FRMD4B: variants seen among roughly 807,000 people sequenced by gnomAD.
FRMD4B encodes FERM domain containing 4B, also known as FERM domain-containing protein 4B.
FRMD4B carries 74 observed loss-of-function variants against 141.5 expected under a neutral mutation model. That is an observed-to-expected ratio of 0.52 (90% CI 0.43 to 0.63). FRMD4B has a LOEUF of 0.63. FRMD4B is among the 30% of genes least tolerant of loss of function. FRMD4B has a pLI of 0.00. For synonymous variants in FRMD4B, 506 were observed against 467.9 expected, an observed-to-expected ratio of 1.08 and a Z score of -1.05; for missense variants, 1,366 against 1,253.4, an observed-to-expected ratio of 1.09 and a Z score of -1.36.
chr3:69,202,741 C>T (rs750742929), intron 11 of FRMD4B, among the ~76,000 whole-genome samples: 2 of 152,100 alleles, frequency 1.3e-5, no homozygotes, highest in Non-Finnish European at 2.9e-5. Flanking sequence ...AGATTTCTTT[C>T]TGCTCTACAC....
intron 1 of FRMD4B, among the ~76,000 whole-genome samples, chr3:69,379,643 T>C (rs1704064502): frequency 6.6e-6 from 1 of 151,646 alleles, no homozygotes; most frequent in Admixed American, 6.6e-5. Context: ...TGTGATAGAA[T>C]TATGGACTTT....
chr3:69,241,115 T>C (rs945745860), intron 7 of FRMD4B, among the ~76,000 whole-genome samples: 4 of 152,220 alleles, frequency 2.6e-5, no homozygotes, highest in Admixed American at 6.5e-5. Flanking sequence ...ACTGATCCTA[T>C]GTGGTGTTAG....
chr3:69,258,601 C>T (rs2093507084), intron 5 of FRMD4B, among the ~76,000 whole-genome samples: 1 of 152,004 alleles, frequency 6.6e-6, no homozygotes, highest in Non-Finnish European at 1.5e-5. Context: ...CTTGCAAATG[C>T]ATATTATTTA....
intron 5 of FRMD4B, among the ~76,000 whole-genome samples, chr3:69,286,690 G>T (rs550800005): frequency 1.3e-5 from 2 of 152,340 alleles, no homozygotes; most frequent in African/African-American, 4.8e-5. Flanking sequence ...TTGGCCCATG[G>T]CTTCCCTTCC....
intron 19 of FRMD4B, among the ~76,000 whole-genome samples, chr3:69,186,041 CAAA>C (rs551712481): frequency 1.2e-5 from 1 of 81,592 alleles, no homozygotes; most frequent in African/African-American, 4.4e-5. Context: ...GACTCTGTCT[CAAA>C]AAAAAAAAAA....
intron 1 of FRMD4B, among the ~76,000 whole-genome samples, chr3:69,523,430 T>C (rs939825933): frequency 6.6e-6 from 1 of 152,114 alleles, no homozygotes; most frequent in African/African-American, 2.4e-5. Context: ...GGTATTGGTG[T>C]GGGGTACCAT....
intron 1 of FRMD4B, among the ~76,000 whole-genome samples, chr3:69,477,527 A>G (rs1706023950): frequency 6.6e-6 from 1 of 151,574 alleles, no homozygotes; most frequent in South Asian, 2.1e-4. Context: ...CATATATTGA[A>G]CCAGCCTTGC....
chr3:69,293,599 T>C (rs927887608), intron 4 of FRMD4B, among the ~76,000 whole-genome samples: 2 of 151,910 alleles, frequency 1.3e-5, no homozygotes, highest in African/African-American at 4.8e-5. Flanking sequence ...ATTCCAAGTA[T>C]CTGGCCAGGC....
At chr3:69,175,905 C>T (rs951647214) in intron 22 of FRMD4B, among the ~76,000 whole-genome samples, 1 of 151,314 alleles carries the variant, frequency 6.6e-6, no homozygotes, top group Non-Finnish European at 1.5e-5. Context: ...TTCAGCCTCC[C>T]GAGTAGCTGG....
intron 1 of FRMD4B, among the ~76,000 whole-genome samples, chr3:69,476,835 A>G (rs1221671848): frequency 1.3e-5 from 2 of 152,310 alleles, no homozygotes; most frequent in African/African-American, 4.8e-5. Context: ...CCTACCCATA[A>G]GCATGGAATG....
At chr3:69,533,995 A>G (rs1275778278) in intron 1 of FRMD4B, among the ~76,000 whole-genome samples, 1 of 152,182 alleles carries the variant, frequency 6.6e-6, no homozygotes, top group Non-Finnish European at 1.5e-5. Context: ...ATCCCTTGCT[A>G]CACAAAGTGA....
Position 69,304,969 on chromosome 3 carries a change from G to GAGT in FRMD4B, c.324-2537_324-2535dup, listed in dbSNP as rs562769197. 2.8e-3 allele frequency among the ~76,000 whole-genome samples: 427 copies of GAGT among 152,266 alleles called. 3 individuals carry two copies. The highest frequency in any genetic ancestry group is 0.01 in the Middle Eastern group (3 of 294). On this transcript the variant is annotated intron_variant, in intron 3 of 22. Coordinates refer to ENST00000398540, the MANE Select transcript of FRMD4B (RefSeq NM_015123.3). Reference sequence around the variant, plus strand: ...GAAAAATGAGCATAAATAATAATATGAGTAGTAGTAATAATAACAATAGCT... The same window carrying GAGT: ...GAAAAATGAGCATAAATAATAATATGAGTAGTAGTAGTAATAATAACAATAGCT...
At chr3:69,325,840 G>A (rs1191560338) in intron 1 of FRMD4B, among the ~76,000 whole-genome samples, 2 of 152,176 alleles carry the variant, frequency 1.3e-5, no homozygotes, top group African/African-American at 4.8e-5. Flanking sequence ...TTACCCTAGT[G>A]CCGTGAGTAC....
At chr3:69,185,172 G>T (rs910623355) in intron 19 of FRMD4B, among the ~76,000 whole-genome samples, 1 of 152,004 alleles carries the variant, frequency 6.6e-6, no homozygotes, top group East Asian at 1.9e-4. Context: ...GTGGTGGCAG[G>T]CACCTGTAGT....
At position 69,187,855 on chromosome 3, in the gene FRMD4B, G is replaced by A; in HGVS notation, c.1834C>T (p.Leu612Phe). ...SSSVPHSPRI[L>F]PPKSLGIERI... The stretch of plus-strand genomic sequence containing the variant: ...TCAATACCAAGAGACTTGGGGGGAA[G>A]AATTCTTGGAGAATGAGGTACTGAA... Residue 612 changes from leucine to phenylalanine, a missense_variant, in exon 19 of 23, where the codon CTT (leucine) becomes TTT (phenylalanine). Physicochemically the swap from Leu to Phe is conservative, Grantham distance 22. Transcript: ENST00000398540. 1 of 1,610,548 alleles carries A rather than the reference G, an allele frequency of 6.2e-7. No individual in the cohort carries two copies. Among genetic ancestry groups the A allele is most frequent in the Non-Finnish European group, 8.5e-7 (1 of 1,177,686 alleles).
At chr3:69,200,013 T>A (rs891430865) in intron 11 of FRMD4B, among the ~76,000 whole-genome samples, 2 of 152,120 alleles carry the variant, frequency 1.3e-5, no homozygotes, top group Non-Finnish European at 1.5e-5. Context: ...ATTATTAGAC[T>A]TCGGCTGGAT....
Position 69,536,471 on chromosome 3 carries a change from C to T in FRMD4B, c.-129+5735G>A, listed in dbSNP as rs578037584. 3.9e-4 allele frequency: 271 copies of T among 700,074 alleles called. 1 individual carries two copies. Among genetic ancestry groups the T allele is most frequent in the African/African-American group, 1.3e-3 (77 of 57,044 alleles). The allele number at this position is 700,074 out of a possible 1,614,324, so 43.4% of individuals were successfully genotyped here. A position where few individuals can be genotyped will look rare whatever the true frequency, so the allele number is the denominator to read the frequency against. Reference sequence around the variant, plus strand: ...TACTTGTGCAGGATGTAGAGCTTGACGGCCACCGCCAACGTGCCCTAGCGC... The same window carrying T: ...TACTTGTGCAGGATGTAGAGCTTGATGGCCACCGCCAACGTGCCCTAGCGC... On this transcript the variant is annotated intron_variant, in intron 1 of 5. Coordinates refer to the FRMD4B transcript ENST00000459638.
intron 1 of FRMD4B, among the ~76,000 whole-genome samples, chr3:69,337,431 G>T (rs1222275590): frequency 1.3e-5 from 2 of 152,268 alleles, no homozygotes; most frequent in South Asian, 2.1e-4. Context: ...AAAAGCAATG[G>T]CAACAAAAGC....
chr3:69,522,762 C>A (rs1204218436), intron 1 of FRMD4B, among the ~76,000 whole-genome samples: 1 of 152,152 alleles, frequency 6.6e-6, no homozygotes, highest in Admixed American at 6.5e-5. Context: ...CCAGCCAACA[C>A]CTCCCATGAC....
Sources: gnomAD v4.1 joint callset for allele counts (sites outside exome capture counted in the v4.1 genomes callset) on GRCh38, gnomAD v4.1.1 for gene constraint, MANE v1.5 for transcripts, NCBI Gene and HGNC (gene_info 2026-07-23, HGNC 2026-07-21) for gene names.